Variants in ADAMTSL1 observed in about 807,000 individuals in gnomAD.
The protein encoded by ADAMTSL1 is ADAMTS-like protein 1.
In ADAMTSL1, 126 loss-of-function variants were observed where a neutral mutation model predicts 201.8. The ratio of observed to expected loss-of-function variants is 0.62; its 90% CI spans 0.54 to 0.72. The LOEUF is 0.72. ADAMTSL1 is among the 30% of genes least tolerant of loss of function. ADAMTSL1 has a pLI of 0.00. For synonymous variants in ADAMTSL1, 1,121 were observed against 903.4 expected (o/e 1.24, Z -4.32); for missense variants, 2,679 against 2,277.8 (o/e 1.18, Z -3.59).
chr9:18,477,895 T>C (rs1821534031), intron 1 of ADAMTSL1, among the ~76,000 whole-genome samples: 1 of 152,102 alleles, frequency 6.6e-6, no homozygotes, highest in Admixed American at 6.5e-5. Context: ...GAGGGAAGAG[T>C]GTCCAATAGT....
At chr9:18,332,133 A>C (rs1835053815) in intron 2 of ADAMTSL1, among the ~76,000 whole-genome samples, 2 of 152,174 alleles carry the variant, frequency 1.3e-5, no homozygotes, top group South Asian at 4.1e-4. Flanking sequence ...CTTCTAGCAC[A>C]AGCCCAAAGT....
At chr9:18,199,575 G>A (rs556399706) in intron 2 of ADAMTSL1, among the ~76,000 whole-genome samples, 8 of 152,230 alleles carry the variant, frequency 5.3e-5, no homozygotes, top group African/African-American at 1.9e-4. Flanking sequence ...CAACTTAAAT[G>A]AAGCTTTCAA....
intron 3 of ADAMTSL1, among the ~76,000 whole-genome samples, chr9:18,547,235 T>G (rs1367910775): frequency 6.6e-6 from 1 of 152,108 alleles, no homozygotes; most frequent in Non-Finnish European, 1.5e-5. Flanking sequence ...TAGGATTTGA[T>G]GCAGAGTAAG....
At chr9:18,276,008 C>T (rs1832573207) in intron 2 of ADAMTSL1, among the ~76,000 whole-genome samples, 2 of 152,142 alleles carry the variant, frequency 1.3e-5, no homozygotes, top group South Asian at 2.1e-4. Context: ...GGTTTCCCTA[C>T]AAGTGTCTCT....
intron 13 of ADAMTSL1, among the ~76,000 whole-genome samples, chr9:18,691,255 C>T (rs1182836618): frequency 6.6e-6 from 1 of 152,120 alleles, no homozygotes; most frequent in Non-Finnish European, 1.5e-5. Flanking sequence ...AGTTAAGCTA[C>T]TACATGGTAA....
At chr9:18,285,989 AT>A (rs2132652095) in intron 2 of ADAMTSL1, among the ~76,000 whole-genome samples, 1 of 152,200 alleles carries the variant, frequency 6.6e-6, no homozygotes, top group South Asian at 2.1e-4. Flanking sequence ...GATAGCAGTC[AT>A]TCTCCAAGTT....
At chr9:17,987,268 G>A (rs1382528259) in intron 1 of ADAMTSL1, among the ~76,000 whole-genome samples, 3 of 152,026 alleles carry the variant, frequency 2.0e-5, no homozygotes, top group Non-Finnish European at 4.4e-5. Context: ...TCCTTGTCCT[G>A]ATGGTATTTC....
chr9:18,582,449 G>A (rs144305214), intron 4 of ADAMTSL1, among the ~76,000 whole-genome samples: 1 of 152,196 alleles, frequency 6.6e-6, no homozygotes, highest in Non-Finnish European at 1.5e-5. Flanking sequence ...ATTCCCACAT[G>A]TTGTGGGAGG....
chr9:18,689,301 C>T (rs1431134717), intron 13 of ADAMTSL1, among the ~76,000 whole-genome samples: 1 of 152,046 alleles, frequency 6.6e-6, no homozygotes, highest in Non-Finnish European at 1.5e-5. Context: ...CATAGTGTGA[C>T]CCTTCTGACA....
intron 1 of ADAMTSL1, among the ~76,000 whole-genome samples, chr9:18,481,857 T>C (rs560224241): frequency 6.6e-6 from 1 of 152,330 alleles, no homozygotes; most frequent in East Asian, 1.9e-4. Context: ...ATGGTTATCT[T>C]TGTGAGAATT....
Position 17,988,072 on chromosome 9 carries a change from G to C in ADAMTSL1, c.87+81150G>C, listed in dbSNP as rs945808823. On this transcript the variant is annotated intron_variant, in intron 1 of 29. Transcript: ENST00000680146. ...GAATTTGTGTTGCCTGGTGTTGATT[G>C]CTGGTTCCACTATTCTGACATTTAT... is the stretch of plus-strand genomic sequence containing the variant. 2.0e-5 allele frequency among the ~76,000 whole-genome samples: 3 copies of C among 152,164 alleles called. No individual in the cohort carries two copies. In the East Asian group the frequency reaches 5.8e-4, roughly 29 times the overall value.
intron 2 of ADAMTSL1, among the ~76,000 whole-genome samples, chr9:18,269,145 CAAAGACTATTCTAT>C (rs1330707376): frequency 3.9e-5 from 6 of 152,012 alleles, no homozygotes; most frequent in Non-Finnish European, 8.8e-5. Flanking sequence ...CCTTATGCTA[CAAAGACTATTCTAT>C]AAAGTAATGT....
rs774534379 is a variant in ADAMTSL1, at chr9:18,905,976, C to CTAACT, written c.4961+88_4961+92dup. On this transcript the variant is annotated intron_variant, in intron 27 of 28. Coordinates refer to ENST00000380548, the MANE Select transcript of ADAMTSL1 (RefSeq NM_001040272.6). ...TGCTGAGTGAATGTTTCTCCTCCAACTAACTTACCACAGTCCCAAGCCCTG... is the reference window on the plus strand; with the variant it reads ...TGCTGAGTGAATGTTTCTCCTCCAACTAACTTAACTTACCACAGTCCCAAGCCCTG... 6.4e-4 allele frequency: 791 copies of CTAACT among 1,233,058 alleles called. 1 individual carries two copies. Among genetic ancestry groups the CTAACT allele is most frequent in the Non-Finnish European group, 8.4e-4 (733 of 872,962 alleles). 76.4% of individuals were successfully genotyped at this position (1,233,058 alleles called of 1,614,324 possible). A position where few individuals can be genotyped will look rare whatever the true frequency, so the allele number is the denominator to read the frequency against.
intron 1 of ADAMTSL1, among the ~76,000 whole-genome samples, chr9:18,042,139 G>T (rs988164451): frequency 6.6e-6 from 1 of 151,160 alleles, no homozygotes; most frequent in East Asian, 1.9e-4. Flanking sequence ...AAGTGGAATT[G>T]ATAATTGATT....
At chr9:18,148,659 A>G (rs1826767171) in intron 1 of ADAMTSL1, among the ~76,000 whole-genome samples, 1 of 152,068 alleles carries the variant, frequency 6.6e-6, no homozygotes, top group Admixed American at 6.6e-5. Flanking sequence ...CAGGTAATGA[A>G]GCTATAAAAA....
At chr9:17,965,509 A>G (rs750007418) in intron 1 of ADAMTSL1, among the ~76,000 whole-genome samples, 21 of 152,156 alleles carry the variant, frequency 1.4e-4, no homozygotes, top group Non-Finnish European at 2.5e-4. Context: ...CTGATCTTTT[A>G]AAAAATTTAA....
intron 14 of ADAMTSL1, among the ~76,000 whole-genome samples, chr9:18,713,926 G>C (rs1468009054): frequency 2.8e-5 from 4 of 144,582 alleles, no homozygotes; most frequent in Admixed American, 7.0e-5. Flanking sequence ...AATCAAACTA[G>C]AACTCAGGAT....
chr9:18,540,346 G>C (rs2132150649), intron 3 of ADAMTSL1, among the ~76,000 whole-genome samples: 2 of 152,354 alleles, frequency 1.3e-5, no homozygotes, highest in Middle Eastern at 3.4e-3. Flanking sequence ...AAAAGGCCGA[G>C]AAGCGATAGT....
At chr9:17,948,009 C>G (rs1193941663) in intron 1 of ADAMTSL1, among the ~76,000 whole-genome samples, 1 of 152,130 alleles carries the variant, frequency 6.6e-6, no homozygotes, top group Non-Finnish European at 1.5e-5. Context: ...CACTGATGCA[C>G]TGTGGCTCCA....
Sources: gnomAD v4.1 joint callset for allele counts (sites outside exome capture counted in the v4.1 genomes callset) on GRCh38, gnomAD v4.1.1 for gene constraint, MANE v1.5 for transcripts, NCBI Gene and HGNC (gene_info 2026-07-23, HGNC 2026-07-21) for gene names.